Variants in PCDHA4 observed in about 807,000 individuals in gnomAD.
PCDHA4 encodes the protein protocadherin alpha-4.
Under a neutral mutation model 61.4 loss-of-function variants are expected in PCDHA4, and 49 were observed. The ratio of observed to expected loss-of-function variants is 0.80; its 90% CI spans 0.63 to 1.01. The LOEUF is 1.01. Among genes scored for constraint, PCDHA4 ranks in the 50% least tolerant of loss-of-function variants. The pLI, the probability that PCDHA4 is intolerant of heterozygous loss-of-function variation, is 0.00. For synonymous variants in PCDHA4, 590 were observed against 550.3 expected (o/e 1.07, Z -1.01); for missense variants, 1,254 against 1,235.8 (o/e 1.01, Z -0.22).
chr5:140,838,277 C>A (rs1372363386), intron 1 of PCDHA4, among the ~76,000 whole-genome samples: 1 of 74,748 alleles, frequency 1.3e-5, no homozygotes, highest in South Asian at 4.1e-4. Context: ...CCAAGCCATG[C>A]TAATTTTTTT....
intron 1 of PCDHA4, chr5:140,929,602 A>G: frequency 2.4e-6 from 1 of 417,610 alleles, no homozygotes; most frequent in Non-Finnish European, 4.3e-6. Flanking sequence ...CTAAAATTAA[A>G]AATAAAATAC....
intron 1 of PCDHA4, among the ~76,000 whole-genome samples, chr5:140,902,554 A>AT (rs1414683182): frequency 6.6e-6 from 1 of 151,896 alleles, no homozygotes; most frequent in East Asian, 1.9e-4. Context: ...CTATACCCAG[A>AT]TTTTTGAGGG....
At chr5:140,875,228 T>C in intron 1 of PCDHA4, 5 of 832,094 alleles carry the variant, frequency 6.0e-6, no homozygotes, top group Non-Finnish European at 8.6e-6. Flanking sequence ...CTCAGGATCT[T>C]TCTTGTACTT....
chr5:140,992,393 A>C (rs2097508684), intron 3 of PCDHA4, among the ~76,000 whole-genome samples: 1 of 152,180 alleles, frequency 6.6e-6, no homozygotes, highest in South Asian at 2.1e-4. Context: ...TTCTGGACTT[A>C]GAGATATTGT....
chr5:140,841,273 T>G, intron 1 of PCDHA4: 30 of 1,504,326 alleles, frequency 2.0e-5, no homozygotes, highest in Middle Eastern at 1.8e-4. Context: ...GTACAGTCGT[T>G]CATCTTTATA....
intron 1 of PCDHA4, among the ~76,000 whole-genome samples, chr5:140,959,188 G>A (rs782018838): frequency 6.6e-6 from 1 of 151,982 alleles, no homozygotes; most frequent in Non-Finnish European, 1.5e-5. Context: ...ACCAGTCTGG[G>A]CAACATGGTG....
intron 1 of PCDHA4, chr5:140,870,574 T>C (rs1429082420): frequency 6.2e-7 from 1 of 1,613,934 alleles, no homozygotes; most frequent in Non-Finnish European, 8.5e-7. Flanking sequence ...GCTGGTGTCC[T>C]ACTCGCTGGT....
intron 1 of PCDHA4, among the ~76,000 whole-genome samples, chr5:140,922,711 A>G (rs2080951866): frequency 6.6e-6 from 1 of 152,270 alleles, no homozygotes; most frequent in Non-Finnish European, 1.5e-5. Flanking sequence ...GTCAAGAACA[A>G]AAAGAAACAC....
intron 1 of PCDHA4, chr5:140,870,136 A>G: frequency 6.2e-7 from 1 of 1,614,024 alleles, no homozygotes; most frequent in Non-Finnish European, 8.5e-7. Flanking sequence ...CACCAACGAT[A>G]ACTCTCCTGA....
chr5:140,822,263 C>A, intron 1 of PCDHA4: 1 of 1,614,228 alleles, frequency 6.2e-7, no homozygotes, highest in Non-Finnish European at 8.5e-7. Flanking sequence ...GATATTGGAG[C>A]AAATGCACAA....
chr5:140,827,904 G>A (rs2150149694), intron 1 of PCDHA4: 24 of 786,388 alleles, frequency 3.1e-5, no homozygotes, highest in Non-Finnish European at 3.9e-5. Context: ...TTTTGGAGCC[G>A]CATGATGTCG....
intron 1 of PCDHA4, chr5:140,926,948 C>A: frequency 1.3e-6 from 2 of 1,589,774 alleles, no homozygotes; most frequent in South Asian, 1.1e-5. Flanking sequence ...GGCGCTGCAG[C>A]GGGACAGCTC....
At chr5:140,844,736 G>C (rs1001272539) in intron 1 of PCDHA4, among the ~76,000 whole-genome samples, 3 of 149,298 alleles carry the variant, frequency 2.0e-5, no homozygotes, top group Non-Finnish European at 4.5e-5. Context: ...AAAATATTTA[G>C]TATTATGGGA....
chr5:140,950,874 G>C (rs1237864508), intron 1 of PCDHA4, among the ~76,000 whole-genome samples: 20 of 151,700 alleles, frequency 1.3e-4, no homozygotes, highest in African/African-American at 4.8e-4. Flanking sequence ...ATTCTATATT[G>C]TTCAATAGGT....
chr5:140,926,533 A>G (rs957359754), intron 1 of PCDHA4: 23 of 211,100 alleles, frequency 1.1e-4, no homozygotes, highest in East Asian at 3.3e-4. Context: ...GCCCGCAGCC[A>G]GCGTGGTGGT....
chr5:140,837,608 A>G (rs1775145322), intron 1 of PCDHA4, among the ~76,000 whole-genome samples: 1 of 151,396 alleles, frequency 6.6e-6, no homozygotes. Flanking sequence ...TATATTTTAT[A>G]ATTTGCCCCT....
At chr5:140,870,034 G>GA in intron 1 of PCDHA4, 6 of 1,613,690 alleles carry the variant, frequency 3.7e-6, no homozygotes, top group Non-Finnish European at 5.1e-6. Flanking sequence ...AGATTATGAA[G>GA]AAAACAAGTT....
At chr5:140,933,618 G>T (rs2089270614) in intron 1 of PCDHA4, among the ~76,000 whole-genome samples, 1 of 151,904 alleles carries the variant, frequency 6.6e-6, no homozygotes, top group African/African-American at 2.4e-5. Flanking sequence ...TTCTTATTAG[G>T]TTAGGCTGGC....
intron 1 of PCDHA4, chr5:140,843,796 T>C: frequency 2.2e-6 from 3 of 1,356,238 alleles, no homozygotes; most frequent in African/African-American, 1.4e-5. Context: ...GATTTAGTTT[T>C]TCACCGTATT....
Sources: gnomAD v4.1 joint callset for allele counts (sites outside exome capture counted in the v4.1 genomes callset) on GRCh38, gnomAD v4.1.1 for gene constraint, MANE v1.5 for transcripts, NCBI Gene and HGNC (gene_info 2026-07-23, HGNC 2026-07-21) for gene names.